The following LRP1 variants were observed in gnomAD, a reference collection of about 807,000 sequenced individuals.
LRP1 encodes prolow-density lipoprotein receptor-related protein 1.
LRP1 carries 51 observed loss-of-function variants against 541.5 expected under a neutral mutation model. The ratio of observed to expected loss-of-function variants is 0.09; its 90% CI spans 0.08 to 0.12. The LOEUF is 0.12. Among genes scored for constraint, LRP1 ranks in the 10% least tolerant of loss-of-function variants. LRP1 has a pLI of 1.00. For synonymous variants in LRP1, 2,219 were observed against 2,470.8 expected, an observed-to-expected ratio of 0.90 and a Z score of 3.02; for missense variants, 3,878 against 6,376.2, an observed-to-expected ratio of 0.61 and a Z score of 13.34.
rs2036723783 is a variant in LRP1 at position 57,204,368 on chromosome 12, G to T, written c.10952-42G>T. 1.3e-6 allele frequency: 2 copies of T among 1,498,122 alleles called. No individual in the cohort carries two copies. The highest frequency in any genetic ancestry group is 1.8e-6 in the Non-Finnish European group (2 of 1,122,570). The allele number at this position is 1,498,122 out of a possible 1,614,324, so 92.8% of individuals were successfully genotyped here. ...ACCTGTGGAGACAGGGGTCTGGGTG[G>T]GCTCATGGCTCATTCTATCTCTTGG... is the stretch of plus-strand genomic sequence containing the variant. On this transcript the variant is annotated intron_variant, in intron 70 of 88. Coordinates refer to ENST00000243077, the MANE Select transcript of LRP1 (RefSeq NM_002332.3). The surrounding 1 kb of genome is among the most constrained non-coding windows in gnomAD (Gnocchi z 5.3).
chr12:57,171,728 G>A (rs983421746), intron 20 of LRP1, among the ~76,000 whole-genome samples: 3 of 152,160 alleles, frequency 2.0e-5, no homozygotes, highest in Non-Finnish European at 2.9e-5. Context: ...GGCATGAGAT[G>A]AGAGCATCAG....
Position 57,204,887 on chromosome 12 carries a change from G to A in LRP1, c.11194+138G>A, listed in dbSNP as rs2036737605. On this transcript the variant is annotated intron_variant, in intron 72 of 88. Transcript: ENST00000243077. This position sits in a 1 kb window ranked among gnomAD's most constrained non-coding sequence, Gnocchi z 5.3. ...GGAAGGGGAGGATCCATTGCTAGGAGCCTGGGGGCTTTTCGTTAGGAAAGA... is the reference window on the plus strand; with the variant it reads ...GGAAGGGGAGGATCCATTGCTAGGAACCTGGGGGCTTTTCGTTAGGAAAGA... 1 of 1,414,994 alleles carries A rather than the reference G, an allele frequency of 7.1e-7. No individual in the cohort carries two copies. Among genetic ancestry groups the A allele is most frequent in the Non-Finnish European group, 9.5e-7 (1 of 1,050,310 alleles). 87.7% of individuals were successfully genotyped at this position (1,414,994 alleles called of 1,614,324 possible). A position where few individuals can be genotyped will look rare whatever the true frequency, so the allele number is the denominator to read the frequency against.
intron 1 of LRP1, chr12:57,131,983 C>G (rs889169120): frequency 6.6e-6 from 1 of 152,472 alleles, no homozygotes; most frequent in Non-Finnish European, 1.5e-5. Flanking sequence ...GCCCAGTACT[C>G]TCTTCTCAGG....
At chr12:57,138,340 G>A in intron 1 of LRP1, 119 bp from the exon 2 acceptor site, 1 of 1,262,184 alleles carries the variant, frequency 7.9e-7, no homozygotes, top group Non-Finnish European at 1.1e-6. Flanking sequence ...GACCATGGCT[G>A]AGGGTCTGGG....
At chr12:57,202,739 A>T in intron 68 of LRP1, 2 of 563,088 alleles carry the variant, frequency 3.6e-6, no homozygotes, top group East Asian at 2.9e-5. Flanking sequence ...CTCCATTTTC[A>T]CACTGTCCTC....
rs1296710852 is a variant in LRP1 at position 57,180,048 on chromosome 12, A to G, written c.5143A>G (p.Lys1715Glu). 1 of 1,613,812 alleles carries G rather than the reference A, an allele frequency of 6.2e-7. No individual in the cohort carries two copies. The highest frequency in any genetic ancestry group is 8.5e-7 in the Non-Finnish European group (1 of 1,179,984). Reference sequence around the variant, plus strand: ...TCCCTCTTGGCACCCTCCCCCCAGGAAGCTCTACTGGACCGATGGTGACAA... The same window carrying G: ...TCCCTCTTGGCACCCTCCCCCCAGGGAGCTCTACTGGACCGATGGTGACAA... ...HGLVVHPLRG[K>E]LYWTDGDNIS... The change falls in exon 31 of 89, where the codon AAG (lysine) becomes GAG (glutamate). Residue 1715 changes from lysine (K) to glutamate (E), a missense_variant and splice_region_variant. Transcript: ENST00000243077.
At chr12:57,140,724 A>T (rs1044150599) in intron 2 of LRP1, among the ~76,000 whole-genome samples, 1 of 152,104 alleles carries the variant, frequency 6.6e-6, no homozygotes, top group African/African-American at 2.4e-5. Flanking sequence ...TCAGCTCATC[A>T]AAACCTTTTT....
intron 24 of LRP1, 78 bp from the exon 25 acceptor site, chr12:57,176,963 C>A: frequency 7.7e-7 from 1 of 1,306,268 alleles, no homozygotes; most frequent in Non-Finnish European, 1.1e-6. Context: ...GGTGGGTCAT[C>A]GAGGGCTCCC....
chr12:57,192,988 G>A lies in LRP1; in HGVS notation c.7555+18G>A, dbSNP rs76366968. On this transcript the variant is annotated intron_variant, in intron 45 of 88. Coordinates refer to ENST00000243077, the MANE Select transcript of LRP1 (RefSeq NM_002332.3). ...CTGCCGAGGTGAGAGAGGCGGGGGG[G>A]AGGGGCTGGCGGGGAACCCAAGCAC... is the stretch of plus-strand genomic sequence containing the variant. The A allele has an allele frequency of 6.2e-7, 1 of 1,610,540 alleles. No individual in the cohort carries two copies. Among genetic ancestry groups the A allele is most frequent in the African/African-American group, 1.3e-5 (1 of 74,980 alleles).
At position 57,200,733 on chromosome 12, in the gene LRP1, C is replaced by T; in HGVS notation, c.10143C>T (p.Cys3381=). The T allele has an allele frequency of 6.2e-7, 1 of 1,614,040 alleles. No homozygotes were observed. The highest frequency in any genetic ancestry group is 1.1e-5 in the South Asian group (1 of 91,086). The part of the protein sequence containing the change: ...EFKCRPGQFQ[C]STGICTNPAF... ...AGTGCCGGCCCGGACAGTTCCAGTG[C>T]TCCACAGGTATCTGCACAAACCCTG... Residue 3381 remains cysteine (C), a synonymous_variant, in exon 64 of 89, where the codon TGC becomes TGT. Transcript: ENST00000243077.
chr12:57,194,843 AG>A (rs1241840131), intron 50 of LRP1, 141 bp from the exon 51 acceptor site: 1 of 1,223,594 alleles, frequency 8.2e-7, no homozygotes, highest in African/African-American at 1.5e-5. Flanking sequence ...GGTCAGACTC[AG>A]AGACTCTGCC....
chr12:57,135,933 G>A (rs1348802399), intron 1 of LRP1, among the ~76,000 whole-genome samples: 3 of 152,178 alleles, frequency 2.0e-5, no homozygotes, highest in Non-Finnish European at 2.9e-5. Context: ...ACCTCAGGCC[G>A]TGGCTGTGCG....
In LRP1 at chr12:57,203,472, A is replaced by G; in HGVS notation, c.10902A>G (p.Ala3634=). ...HCIPLRWRCD[A]DADCMDGSDE... ...TCCCCCTGCGCTGGCGCTGTGACGC[A>G]GACGCCGACTGCATGGACGGCAGCG... Residue 3634 remains alanine (A), a synonymous_variant, in exon 70 of 89, where the codon GCA becomes GCG. Coordinates refer to ENST00000243077, the MANE Select transcript of LRP1 (RefSeq NM_002332.3). 1 of 1,586,588 alleles carries G rather than the reference A, an allele frequency of 6.3e-7. No individual in the cohort carries two copies. The highest frequency in any genetic ancestry group is 8.6e-7 in the Non-Finnish European group (1 of 1,165,744).
chr12:57,188,603 A>G (rs1271541779), intron 42 of LRP1, among the ~76,000 whole-genome samples: 1 of 152,144 alleles, frequency 6.6e-6, no homozygotes, highest in East Asian at 1.9e-4. Context: ...GCTTCCCTGG[A>G]GGGTCCAGCA....
chr12:57,195,182 C>T, intron 51 of LRP1, 81 bp downstream of exon 51: 3 of 1,577,046 alleles, frequency 1.9e-6, no homozygotes, highest in Non-Finnish European at 2.6e-6. Flanking sequence ...ACACAGACAC[C>T]CCTGCAGACG....
chr12:57,174,631 C>T (rs2036007652), intron 22 of LRP1, among the ~76,000 whole-genome samples: 1 of 152,118 alleles, frequency 6.6e-6, no homozygotes, highest in South Asian at 2.1e-4. Context: ...AAAAATTAGC[C>T]GGACATGTCT....
In LRP1 at chr12:57,196,977, T is replaced by C. The variant is rs199813820; in HGVS notation, c.8893-5T>C. On this transcript the variant is annotated splice_region_variant and splice_polypyrimidine_tract_variant and intron_variant, in intron 55 of 88. Transcript: ENST00000243077. ...TGCCCAGCCCAAGGCTCCCTGTGCC[T>C]GCAGTGCCGCTGTCGCCCTGGCTTC... 1,260 of 1,607,170 alleles carry C rather than the reference T, an allele frequency of 7.8e-4. No homozygotes were observed. The highest frequency in any genetic ancestry group is 1.3e-3 in the South Asian group (114 of 90,678).
Position 57,197,176 on chromosome 12 carries a change from C to A in LRP1, c.9076+11C>A. 1.2e-6 allele frequency: 2 copies of A among 1,613,842 alleles called. No individual in the cohort carries two copies. The highest frequency in any genetic ancestry group is 1.7e-6 in the Non-Finnish European group (2 of 1,179,982). ...GCAAGGCTGTGACTGGTGAGATGCG[C>A]GCTTGGAGGGCATGAGGTGACCCAG... On this transcript the variant is annotated intron_variant, in intron 56 of 88. Transcript: ENST00000243077. The surrounding 1 kb of genome is among the most constrained non-coding windows in gnomAD (Gnocchi z 4.5).
Position 57,162,845 on chromosome 12 carries a change from C to A in LRP1, c.2405-13C>A. 1 of 1,602,846 alleles carries A rather than the reference C, an allele frequency of 6.2e-7. No homozygotes were observed. The highest frequency in any genetic ancestry group is 1.1e-5 in the South Asian group (1 of 88,844). On this transcript the variant is annotated splice_polypyrimidine_tract_variant and intron_variant, in intron 14 of 88. Coordinates refer to ENST00000243077, the MANE Select transcript of LRP1 (RefSeq NM_002332.3). The surrounding 1 kb of genome is among the most constrained non-coding windows in gnomAD (Gnocchi z 5.2). ...TTCCTCCCTTTGCCTTTCCCCATGG[C>A]CCTTCCCCACAGTTGGCACCAACAA...
Sources: allele counts gnomAD v4.1 joint callset (sites outside exome capture counted in the v4.1 genomes callset), GRCh38; gene constraint gnomAD v4.1.1; non-coding constraint Gnocchi (gnomAD v3.1); transcripts MANE v1.5; gene names NCBI Gene and HGNC (gene_info 2026-07-23, HGNC 2026-07-21).